Variants in SYNC observed in about 807,000 individuals in gnomAD.
SYNC encodes the protein syncoilin, intermediate filament protein, also known as syncoilin.
In SYNC, 38 loss-of-function variants were observed where a neutral mutation model predicts 49.5. The observed-to-expected ratio is 0.77, with a 90% CI of 0.59 to 1.01. The LOEUF is 1.01. SYNC is among the 50% of genes least tolerant of loss of function. The pLI is 0.00. For synonymous variants in SYNC, 201 were observed against 230.8 expected, an observed-to-expected ratio of 0.87 and a Z score of 1.17; for missense variants, 579 against 580.6, an observed-to-expected ratio of 1.00 and a Z score of 0.03.
At chr1:32,690,950 G>T (rs1286561088) in intron 2 of SYNC, among the ~76,000 whole-genome samples, 2 of 152,066 alleles carry the variant, frequency 1.3e-5, no homozygotes, top group Admixed American at 1.3e-4. Context: ...CGGGCTCAGT[G>T]GCTCACACCT....
rs952430334 is a variant in SYNC, at chr1:32,695,301, T to G, written c.797A>C (p.Asp266Ala). ...CCGGAAATCGGCAAACTGAGCCACG[T>G]CCTGCTGGCGGCACTCCAGCTGGTA... ...YQYQLECRQQ[D>A]VAQFADFREV... is the part of the protein sequence containing the mutation. The change falls in exon 2 of 5, where the codon GAC (aspartate) becomes GCC (alanine). Residue 266 changes from aspartate to alanine, a missense_variant. Physicochemically the swap from Asp to Ala is moderately radical, Grantham distance 126. Coordinates refer to ENST00000409190, the MANE Select transcript of SYNC (RefSeq NM_030786.3). 4 of 1,551,586 alleles carry G rather than the reference T, an allele frequency of 2.6e-6. No homozygotes were observed. The highest frequency in any genetic ancestry group is 2.6e-6 in the Non-Finnish European group (3 of 1,147,074).
intron 1 of SYNC, among the ~76,000 whole-genome samples, chr1:32,696,962 G>A (rs1398402805): frequency 2.6e-5 from 4 of 151,004 alleles, no homozygotes; most frequent in Admixed American, 6.6e-5. Flanking sequence ...TGGCCAGGCT[G>A]GTCTCAAACT....
At chr1:32,687,526 T>C (rs1649913889) in intron 2 of SYNC, among the ~76,000 whole-genome samples, 1 of 150,774 alleles carries the variant, frequency 6.6e-6, no homozygotes, top group Non-Finnish European at 1.5e-5. Flanking sequence ...CAAAAATTAG[T>C]TGGGCATGGT....
intron 4 of SYNC, chr1:32,683,729 T>C: frequency 3.0e-6 from 1 of 332,726 alleles, no homozygotes. Context: ...TGCCTCCTGG[T>C]TCAAGCGATT....
intron 2 of SYNC, among the ~76,000 whole-genome samples, chr1:32,688,292 A>G (rs754181460): frequency 3.3e-5 from 5 of 151,948 alleles, no homozygotes; most frequent in South Asian, 2.1e-4. Context: ...TTATTTTTCA[A>G]ATGCCTTATA....
chr1:32,700,199 C>G (rs936232117), intron 1 of SYNC, among the ~76,000 whole-genome samples: 1 of 152,178 alleles, frequency 6.6e-6, no homozygotes, highest in African/African-American at 2.4e-5. Context: ...CCTGTACTAC[C>G]TGGGAAGGCA....
chr1:32,691,948 T>C (rs977725982), intron 2 of SYNC, among the ~76,000 whole-genome samples: 3 of 151,994 alleles, frequency 2.0e-5, no homozygotes, highest in African/African-American at 4.8e-5. Flanking sequence ...AAATAATCTA[T>C]CCCGGCCGGG....
Position 32,684,075 on chromosome 1 carries a change from G to C in SYNC, c.1373C>G (p.Pro458Arg). Residue 458 changes from proline (P) to arginine (R), a missense_variant, in exon 4 of 5, where the codon CCC (proline) becomes CGC (arginine). Coordinates refer to ENST00000409190, the MANE Select transcript of SYNC (RefSeq NM_030786.3). ...ELSTYKAMLL[P>R]KSLEQADAPT... Reference sequence around the variant, plus strand: ...AGCATCAGCCTGTTCCAGGCTCTTGGGTAGTAGCATAGCCCTTTAAAAAGA... The same window carrying C: ...AGCATCAGCCTGTTCCAGGCTCTTGCGTAGTAGCATAGCCCTTTAAAAAGA... 6.2e-7 allele frequency: 1 copy of C among 1,613,692 alleles called. No homozygotes were observed. The highest frequency in any genetic ancestry group is 8.5e-7 in the Non-Finnish European group (1 of 1,180,010).
chr1:32,689,444 T>C (rs539672248), intron 2 of SYNC, among the ~76,000 whole-genome samples: 9 of 151,524 alleles, frequency 5.9e-5, no homozygotes, highest in African/African-American at 2.2e-4. Flanking sequence ...TTTCACCATC[T>C]TGGCCAGGCT....
rs755634379 is a variant in SYNC, at chr1:32,681,842, A to G, written c.*8T>C. 8.1e-6 allele frequency: 13 copies of G among 1,614,050 alleles called. No individual in the cohort carries two copies. In the African/African-American group the frequency reaches 1.5e-4, roughly 18 times the overall value. On this transcript the variant is annotated 3_prime_UTR_variant, in exon 5 of 5. Coordinates refer to ENST00000409190, the MANE Select transcript of SYNC (RefSeq NM_030786.3). ...CTGTTTCCGGGTTACAGATTTGGCC[A>G]TATATTTCTAAACAGCCCCTGTAAA... is the stretch of plus-strand genomic sequence containing the variant.
At chr1:32,692,597 T>C (rs1650217499) in intron 2 of SYNC, among the ~76,000 whole-genome samples, 1 of 149,068 alleles carries the variant, frequency 6.7e-6, no homozygotes, top group Non-Finnish European at 1.5e-5. Flanking sequence ...AATACCCAAA[T>C]TAGCTGGGCA....
chr1:32,681,555 T>G lies in SYNC; in HGVS notation c.*295A>C. 1 of 537,802 alleles carries G rather than the reference T, an allele frequency of 1.9e-6. No homozygotes were observed. 33.3% of individuals were successfully genotyped at this position (537,802 alleles called of 1,614,324 possible). ...ACATTCATCCTTCACTCAGTGCATA[T>G]GTGAGGGTTGTTGCTGGAAGACAGG... On this transcript the variant is annotated 3_prime_UTR_variant, in exon 5 of 5. Coordinates refer to ENST00000409190, the MANE Select transcript of SYNC (RefSeq NM_030786.3).
rs369311742 is a variant in SYNC at position 32,695,660 on chromosome 1, C to T, written c.438G>A (p.Ala146=). The change falls in exon 2 of 5, where the codon GCG becomes GCA. Residue 146 remains alanine, a synonymous_variant. Coordinates refer to ENST00000409190, the MANE Select transcript of SYNC (RefSeq NM_030786.3). ...VVYEGETVTR[A]EKSNPEESLR... ...GGCTCTCCTCAGGGTTAGATTTCTC[C>T]GCCCTTGTGACTGTCTCTCCCTCAT... The T allele has an allele frequency of 1.2e-5, 19 of 1,551,450 alleles. 1 individual carries two copies. Among genetic ancestry groups the T allele is most frequent in the South Asian group, 3.6e-5 (3 of 84,034 alleles).
Position 32,695,458 on chromosome 1 carries a change from C to T in SYNC, c.640G>A (p.Val214Ile), listed in dbSNP as rs1269105516. The T allele has an allele frequency of 1.1e-5, 17 of 1,551,406 alleles. No homozygotes were observed. The highest frequency in any genetic ancestry group is 2.0e-5 in the Admixed American group (1 of 50,854). ...TAGGCAGCCAGGATGTCTTGATGGACTTGCTGTACCTCCTGCAGGGCTGGT... is the reference window on the plus strand; with the variant it reads ...TAGGCAGCCAGGATGTCTTGATGGATTTGCTGTACCTCCTGCAGGGCTGGT... ...REPALQEVQQ[V>I]HQDILAAYKL... The change falls in exon 2 of 5, where the codon GTC (valine) becomes ATC (isoleucine). Residue 214 changes from valine to isoleucine, a missense_variant. By Grantham distance (29) the Val-to-Ile change is conservative. Coordinates refer to ENST00000409190, the MANE Select transcript of SYNC (RefSeq NM_030786.3).
intron 2 of SYNC, among the ~76,000 whole-genome samples, chr1:32,689,937 CACAA>C (rs1650078383): frequency 3.1e-5 from 1 of 32,170 alleles, no homozygotes; most frequent in African/African-American, 7.0e-5. Context: ...GAGACACCGT[CACAA>C]AAAAAAAAAA....
chr1:32,680,358 T>TGG lies in SYNC; in HGVS notation c.*1491_*1492insCC. 8.3e-6 allele frequency: 1 copy of TGG among 120,822 alleles called. No homozygotes were observed. Among genetic ancestry groups the TGG allele is most frequent in the African/African-American group, 4.6e-5 (1 of 21,778 alleles). The allele number at this position is 120,822 out of a possible 1,614,324, so 7.5% of individuals were successfully genotyped here. ...ATGGTGTTTTTTTTTTTGTTGTTGG[T>TGG]TTTTTTTTTTTTTTTTTTAACTTGG... On this transcript the variant is annotated 3_prime_UTR_variant, in exon 5 of 5. Transcript: ENST00000409190.
At chr1:32,702,780 C>G (rs1650721941), upstream of SYNC, 1 of 875,388 alleles carries the variant, frequency 1.1e-6, no homozygotes, top group African/African-American at 1.8e-5. The surrounding 1 kb of genome is among the most constrained non-coding windows in gnomAD (Gnocchi z 6.2). Flanking sequence ...CGGCCGGCCC[C>G]GGGCCGGGCG....
intron 1 of SYNC, among the ~76,000 whole-genome samples, chr1:32,699,215 G>A (rs572254470): frequency 3.1e-4 from 46 of 146,426 alleles, no homozygotes; most frequent in South Asian, 4.4e-4. Context: ...GTGCAGTGGC[G>A]TGGTCTCAGC....
At position 32,680,446 on chromosome 1, in the gene SYNC, G is replaced by T; in HGVS notation, c.*1404C>A. The T allele has an allele frequency of 6.9e-7, 1 of 1,442,246 alleles. No individual in the cohort carries two copies. Among genetic ancestry groups the T allele is most frequent in the Non-Finnish European group, 9.2e-7 (1 of 1,085,136 alleles). 89.3% of individuals were successfully genotyped at this position (1,442,246 alleles called of 1,614,324 possible). The stretch of plus-strand genomic sequence containing the variant: ...AGTTATACCACAGGTAGACTGTCAA[G>T]TTGAGAAGAGTGAATCAATAACTTG... On this transcript the variant is annotated 3_prime_UTR_variant, in exon 5 of 5. Coordinates refer to ENST00000409190, the MANE Select transcript of SYNC (RefSeq NM_030786.3).
Sources: gnomAD v4.1 joint callset for allele counts (sites outside exome capture counted in the v4.1 genomes callset) on GRCh38, gnomAD v4.1.1 for gene constraint, Gnocchi (gnomAD v3.1) non-coding constraint, MANE v1.5 for transcripts, NCBI Gene and HGNC (gene_info 2026-07-23, HGNC 2026-07-21) for gene names.